STXBP6: variants seen among roughly 807,000 people sequenced by gnomAD.
STXBP6 encodes syntaxin binding protein 6.
Under a neutral mutation model 26.9 loss-of-function variants are expected in STXBP6, and 21 were observed. The observed-to-expected ratio is 0.78, with a 90% CI of 0.55 to 1.12. The LOEUF (loss-of-function observed/expected upper bound fraction) is 1.12. Ranked by LOEUF, STXBP6 falls within the 50% of genes most tolerant of loss-of-function variation. The pLI, the probability that STXBP6 is intolerant of heterozygous loss-of-function variation, is 0.00. For synonymous variants in STXBP6, 97 were observed against 92.6 expected (o/e 1.05, Z -0.27); for missense variants, 232 against 257.9 (o/e 0.90, Z 0.69).
At chr14:24,985,112 G>A (rs1053302639) in intron 1 of STXBP6, among the ~76,000 whole-genome samples, 6 of 152,160 alleles carry the variant, frequency 3.9e-5, no homozygotes, top group Non-Finnish European at 8.8e-5. Context: ...ATTCTTTCTG[G>A]ATATCTGTTC....
chr14:24,963,633 G>A (rs949154190), intron 2 of STXBP6, among the ~76,000 whole-genome samples: 2 of 152,154 alleles, frequency 1.3e-5, no homozygotes, highest in Non-Finnish European at 2.9e-5. Context: ...CGGTGACAAT[G>A]AGAAAAGGGC....
At chr14:24,967,769 T>C (rs2073779963) in intron 2 of STXBP6, among the ~76,000 whole-genome samples, 2 of 152,316 alleles carry the variant, frequency 1.3e-5, no homozygotes, top group Admixed American at 1.3e-4. Context: ...AGAAATGAGA[T>C]AGAATGACAC....
At chr14:24,961,440 A>C (rs1415093581) in intron 2 of STXBP6, among the ~76,000 whole-genome samples, 1 of 141,530 alleles carries the variant, frequency 7.1e-6, no homozygotes, top group South Asian at 2.2e-4. Flanking sequence ...AACAGATTTC[A>C]GAACTAAAAA....
intron 1 of STXBP6, among the ~76,000 whole-genome samples, chr14:24,993,556 C>T: frequency 6.6e-6 from 1 of 152,188 alleles, no homozygotes; most frequent in East Asian, 1.9e-4. Context: ...TCCCACAGTA[C>T]ATAGGTAGAG....
chr14:24,986,303 C>T lies in STXBP6; in HGVS notation c.-32-11453G>A, dbSNP rs535439802. Among the ~76,000 whole-genome samples, 12 of 152,256 alleles carry T rather than the reference C, an allele frequency of 7.9e-5. No individual in the cohort carries two copies. In the East Asian group the frequency reaches 1.5e-3, roughly 20 times the overall value. On this transcript the variant is annotated intron_variant, in intron 1 of 5. Transcript: ENST00000323944. The stretch of plus-strand genomic sequence containing the variant: ...CAAAAGCAATGATGGTCTGCCCAAG[C>T]GGAACAGCCCAGGATAGTCCAAGAA...
chr14:24,923,472 G>A (rs1168005522), intron 2 of STXBP6, among the ~76,000 whole-genome samples: 1 of 151,934 alleles, frequency 6.6e-6, no homozygotes, highest in Non-Finnish European at 1.5e-5. Flanking sequence ...GTTTCTTTAT[G>A]GTATAAGTAC....
intron 1 of STXBP6, among the ~76,000 whole-genome samples, chr14:25,025,149 A>T (rs1398163467): frequency 6.6e-6 from 1 of 152,222 alleles, no homozygotes; most frequent in Non-Finnish European, 1.5e-5. Flanking sequence ...TAAGACAGAT[A>T]GGCTTAACTC....
intron 2 of STXBP6, among the ~76,000 whole-genome samples, chr14:24,915,482 T>C (rs1175191087): frequency 1.3e-5 from 2 of 152,182 alleles, no homozygotes; most frequent in Admixed American, 1.3e-4. Flanking sequence ...CATAAGATAC[T>C]GGTTCTTACT....
chr14:24,892,903 TCCCACAGCC>T (rs1253695776), intron 2 of STXBP6, among the ~76,000 whole-genome samples: 1 of 152,208 alleles, frequency 6.6e-6, no homozygotes, highest in Non-Finnish European at 1.5e-5. Flanking sequence ...TAACTAGAAC[TCCCACAGCC>T]CTGAAGAGGG....
At chr14:24,970,268 A>AATTT (rs1172519967) in intron 2 of STXBP6, among the ~76,000 whole-genome samples, 1 of 152,170 alleles carries the variant, frequency 6.6e-6, no homozygotes, top group Non-Finnish European at 1.5e-5. Context: ...ATTTCATTGA[A>AATTT]ATTTATTTAT....
chr14:24,950,914 C>T (rs1212424347), intron 2 of STXBP6, among the ~76,000 whole-genome samples: 1 of 152,046 alleles, frequency 6.6e-6, no homozygotes, highest in Non-Finnish European at 1.5e-5. Flanking sequence ...GACAGGCCCC[C>T]CGTGTGTAAT....
intron 2 of STXBP6, among the ~76,000 whole-genome samples, chr14:24,943,112 C>G (rs1357605471): frequency 6.6e-6 from 1 of 152,196 alleles, no homozygotes; most frequent in Non-Finnish European, 1.5e-5. Flanking sequence ...AACCCTGATT[C>G]TGGCACTGGG....
intron 2 of STXBP6, among the ~76,000 whole-genome samples, chr14:24,877,452 C>T (rs552830364): frequency 9.9e-5 from 15 of 152,250 alleles, no homozygotes; most frequent in African/African-American, 3.6e-4. Flanking sequence ...ATGGAAATAA[C>T]AATAAACAGT....
intron 5 of STXBP6, chr14:24,818,137 C>A: frequency 2.2e-6 from 1 of 456,718 alleles, no homozygotes; most frequent in South Asian, 1.5e-5. Context: ...AGGGCCAGAT[C>A]ATAAGCCTGA....
At chr14:24,903,589 A>G (rs2071287972) in intron 2 of STXBP6, among the ~76,000 whole-genome samples, 1 of 152,188 alleles carries the variant, frequency 6.6e-6, no homozygotes, top group Non-Finnish European at 1.5e-5. Context: ...ACATTTTAAA[A>G]TGCCTAACAG....
chr14:25,033,930 T>C (rs1595353952), intron 1 of STXBP6, among the ~76,000 whole-genome samples: 1 of 152,122 alleles, frequency 6.6e-6, no homozygotes, highest in Non-Finnish European at 1.5e-5. Context: ...CCTGAGAAAA[T>C]GCAGGTATAT....
At chr14:24,873,779 C>T (rs929461073) in intron 2 of STXBP6, among the ~76,000 whole-genome samples, 1 of 152,186 alleles carries the variant, frequency 6.6e-6, no homozygotes, top group African/African-American at 2.4e-5. Context: ...CACCCTGGTT[C>T]ACTCTTCTCT....
intron 2 of STXBP6, among the ~76,000 whole-genome samples, chr14:24,937,074 G>A (rs1404910887): frequency 3.3e-5 from 5 of 152,210 alleles, no homozygotes; most frequent in Non-Finnish European, 5.9e-5. Flanking sequence ...TCACTCATAA[G>A]TGGGAGTTGA....
At chr14:24,907,453 A>T (rs1247915169) in intron 2 of STXBP6, among the ~76,000 whole-genome samples, 1 of 152,216 alleles carries the variant, frequency 6.6e-6, no homozygotes, top group Non-Finnish European at 1.5e-5. Flanking sequence ...ATATCACCTC[A>T]ATTATATAAA....
Sources: gnomAD v4.1 joint callset for allele counts (sites outside exome capture counted in the v4.1 genomes callset) on GRCh38, gnomAD v4.1.1 for gene constraint, MANE v1.5 for transcripts, NCBI Gene and HGNC (gene_info 2026-07-23, HGNC 2026-07-21) for gene names.